The following KCMF1 variants were observed in gnomAD, a reference collection of about 807,000 sequenced individuals.
KCMF1 encodes the protein E3 ubiquitin-protein ligase KCMF1.
KCMF1 carries 3 observed loss-of-function variants against 41.1 expected under a neutral mutation model. That is an observed-to-expected ratio of 0.07 (90% confidence interval 0.03 to 0.19). The LOEUF (loss-of-function observed/expected upper bound fraction) is 0.19, where lower values mean the gene tolerates loss of function less well. Among genes scored for constraint, KCMF1 ranks in the 10% least tolerant of loss-of-function variants. The pLI, the probability that KCMF1 is intolerant of heterozygous loss-of-function variation, is 1.00. For synonymous variants in KCMF1, 142 were observed against 164.5 expected, an observed-to-expected ratio of 0.86 and a Z score of 1.04; for missense variants, 286 against 488.9, an observed-to-expected ratio of 0.58 and a Z score of 3.91.
chr2:85,008,263 C>CATATATAATATATAATATGATATATA (rs1558573265), intron 1 of KCMF1, among the ~76,000 whole-genome samples: 1,042 of 68,780 alleles, frequency 0.015, 42 homozygotes, highest in East Asian at 0.075. Context: ...TATTATATAT[C>CATATATAATATATAATATGATATATA]ATATATAATA....
At chr2:85,040,504 C>T (rs545265071) in intron 3 of KCMF1, among the ~76,000 whole-genome samples, 77 of 152,202 alleles carry the variant, frequency 5.1e-4, no homozygotes, top group Non-Finnish European at 7.1e-4. Flanking sequence ...GCTTTGCTCT[C>T]CTTTTTCTTT....
chr2:85,018,942 G>GA (rs1235708878), intron 1 of KCMF1, among the ~76,000 whole-genome samples: 1 of 150,962 alleles, frequency 6.6e-6, no homozygotes, highest in African/African-American at 2.4e-5. Flanking sequence ...TCACCATGTT[G>GA]ACCAGGCTGG....
chr2:84,991,771 C>T (rs957965383), intron 1 of KCMF1, among the ~76,000 whole-genome samples: 1 of 152,180 alleles, frequency 6.6e-6, no homozygotes, highest in Non-Finnish European at 1.5e-5. Flanking sequence ...TCCCCAGCCC[C>T]CTTTCATAAT....
chr2:84,992,214 G>A (rs1166947377), intron 1 of KCMF1, among the ~76,000 whole-genome samples: 2 of 152,178 alleles, frequency 1.3e-5, no homozygotes, highest in Non-Finnish European at 2.9e-5. Flanking sequence ...TATATAAAAT[G>A]TTTGGAGTAG....
At position 85,049,495 on chromosome 2, in the gene KCMF1, C is replaced by G. The variant is rs1257070296; in HGVS notation, c.731C>G (p.Ala244Gly). The G allele has an allele frequency of 3.1e-6, 5 of 1,613,926 alleles. No homozygotes were observed. Among genetic ancestry groups the G allele is most frequent in the Non-Finnish European group, 4.2e-6 (5 of 1,179,916 alleles). The change falls in exon 6 of 7, where the codon GCA becomes GGA. Residue 244 changes from alanine (A) to glycine (G), a missense_variant. Around this residue, in one of 2 missense-constraint regions of KCMF1, gnomAD observed 191 missense variants for 279.3 expected, o/e 0.68. Transcript: ENST00000409785. ...LQLERQHAQA[A>G]RQQLETARNA... is the part of the protein sequence containing the mutation. Reference sequence around the variant, plus strand: ...CTAGAACGGCAGCATGCCCAGGCAGCACGGCAACAACTGGAGACCGCACGC... The same window carrying G: ...CTAGAACGGCAGCATGCCCAGGCAGGACGGCAACAACTGGAGACCGCACGC...
chr2:85,053,119 A>C, intron 6 of KCMF1, 29 bp from the exon 7 acceptor site: 1 of 1,584,470 alleles, frequency 6.3e-7, no homozygotes, highest in Non-Finnish European at 8.6e-7. Flanking sequence ...CTTTTTAACA[A>C]TAAGGTCTTT....
chr2:84,971,977 T>A (rs1673408790), intron 1 of KCMF1: 1 of 152,046 alleles, frequency 6.6e-6, no homozygotes, highest in Non-Finnish European at 1.5e-5. Flanking sequence ...TGTCCCCGCC[T>A]GCGGGCGACC....
chr2:85,024,035 C>G (rs1420892115), intron 1 of KCMF1, among the ~76,000 whole-genome samples: 1 of 152,162 alleles, frequency 6.6e-6, no homozygotes, highest in Non-Finnish European at 1.5e-5. Context: ...ACAGGTTTCT[C>G]CATTTTTCTA....
At chr2:84,981,159 A>G (rs1343469593) in intron 1 of KCMF1, among the ~76,000 whole-genome samples, 2 of 151,666 alleles carry the variant, frequency 1.3e-5, no homozygotes, top group Non-Finnish European at 2.9e-5. Context: ...TGATATCATG[A>G]CTAATTAGGT....
chr2:85,017,081 G>A (rs541633368), intron 1 of KCMF1, among the ~76,000 whole-genome samples: 2 of 142,876 alleles, frequency 1.4e-5, no homozygotes, highest in Non-Finnish European at 3.0e-5. Flanking sequence ...GCGGACTGCA[G>A]TGGCGCAATC....
At chr2:85,005,723 A>G (rs752800647) in intron 1 of KCMF1, among the ~76,000 whole-genome samples, 39 of 152,132 alleles carry the variant, frequency 2.6e-4, no homozygotes, top group Admixed American at 6.5e-4. Flanking sequence ...GTTTCCCAGG[A>G]TGTTCTCAAA....
At chr2:85,028,438 G>A (rs2104029580) in intron 2 of KCMF1, among the ~76,000 whole-genome samples, 1 of 145,126 alleles carries the variant, frequency 6.9e-6, no homozygotes, top group South Asian at 2.2e-4. Context: ...GCCCGACTCA[G>A]CCGCCCAAAG....
chr2:85,048,024 G>A (rs1675713115), intron 5 of KCMF1, among the ~76,000 whole-genome samples: 1 of 152,254 alleles, frequency 6.6e-6, no homozygotes, highest in Middle Eastern at 3.4e-3. Context: ...GGTCCTGGGT[G>A]ATGTAATAAT....
chr2:85,043,745 T>C lies in KCMF1; in HGVS notation c.426+80T>C, dbSNP rs868117584. On this transcript the variant is annotated intron_variant, in intron 4 of 6. Transcript: ENST00000409785. ...GATTTTTTGTTTTGGAGACAAGATC[T>C]CGCTGTGTCGACCTGGCTGGTCTCA... 2.4e-5 allele frequency: 23 copies of C among 963,348 alleles called. 2 individuals are homozygous for C. In the Middle Eastern group the frequency reaches 4.8e-3, roughly 200 times the overall value. 59.7% of individuals were successfully genotyped at this position (963,348 alleles called of 1,614,324 possible). A position where few individuals can be genotyped will look rare whatever the true frequency, so the allele number is the denominator to read the frequency against.
chr2:84,992,623 GT>G (rs943140587), intron 1 of KCMF1, among the ~76,000 whole-genome samples: 6 of 149,586 alleles, frequency 4.0e-5, no homozygotes, highest in African/African-American at 1.5e-4. Flanking sequence ...TTTATATGTG[GT>G]TTTTTTTTGT....
intron 3 of KCMF1, among the ~76,000 whole-genome samples, chr2:85,037,500 G>A (rs543509042): frequency 9.7e-4 from 147 of 152,236 alleles, no homozygotes; most frequent in Non-Finnish European, 1.6e-3. Flanking sequence ...CTGCATATAT[G>A]TGAAACATAC....
chr2:84,976,936 A>G (rs1438764515), intron 1 of KCMF1, among the ~76,000 whole-genome samples: 1 of 152,150 alleles, frequency 6.6e-6, no homozygotes, highest in Non-Finnish European at 1.5e-5. Flanking sequence ...ATATGTATAC[A>G]TTGTAGAATG....
At chr2:85,008,408 A>G (rs1467464579) in intron 1 of KCMF1, among the ~76,000 whole-genome samples, 8 of 131,622 alleles carry the variant, frequency 6.1e-5, no homozygotes, top group Non-Finnish European at 1.3e-4. Flanking sequence ...TATATATCAT[A>G]TTATATATTA....
Position 85,046,232 on chromosome 2 carries a change from G to C in KCMF1, c.555G>C (p.Gln185His), listed in dbSNP as rs1376065813. Residue 185 changes from glutamine to histidine, a missense_variant, in exon 5 of 7, where the codon CAG becomes CAC. Gln to His is a conservative substitution (Grantham distance 24). Transcript: ENST00000409785. Reference sequence around the variant, plus strand: ...CTACTGGTGGACTTTCTTCTTCTCAGAGTTCATATTCTCCAAGCAATAGGG... The same window carrying C: ...CTACTGGTGGACTTTCTTCTTCTCACAGTTCATATTCTCCAAGCAATAGGG... ...SSSTGGLSSSQSSYSPSNREA... is the reference protein window; with the variant it reads ...SSSTGGLSSSHSSYSPSNREA... 6.8e-6 allele frequency: 11 copies of C among 1,613,366 alleles called. No individual in the cohort carries two copies. The highest frequency in any genetic ancestry group is 1.3e-5 in the African/African-American group (1 of 75,030).
Sources: gnomAD v4.1 joint callset for allele counts (sites outside exome capture counted in the v4.1 genomes callset) on GRCh38, gnomAD v4.1.1 for gene constraint, gnomAD v4.1.1 regional missense constraint, MANE v1.5 for transcripts, NCBI Gene and HGNC (gene_info 2026-07-23, HGNC 2026-07-21) for gene names.